EPS15: variants seen among roughly 807,000 people sequenced by gnomAD.
The protein encoded by EPS15 is epidermal growth factor receptor substrate 15.
In EPS15, 72 loss-of-function variants were observed where a neutral mutation model predicts 113.8. That is an observed-to-expected ratio of 0.63 (90% CI 0.52 to 0.77). The LOEUF (loss-of-function observed/expected upper bound fraction) is 0.77. Ranked by LOEUF, EPS15 falls within the 30% of genes least tolerant of loss-of-function variation. The pLI, the probability that EPS15 is intolerant of heterozygous loss-of-function variation, is 0.00. For synonymous variants in EPS15, 344 were observed against 363.4 expected (o/e 0.95, Z 0.61); for missense variants, 1,048 against 1,045.8 (o/e 1.00, Z -0.03).
chr1:51,448,445 C>T (rs1653252887), intron 8 of EPS15, among the ~76,000 whole-genome samples: 1 of 151,956 alleles, frequency 6.6e-6, no homozygotes, highest in Non-Finnish European at 1.5e-5. Context: ...GAAAGAAGTA[C>T]TCTCCCTAAT....
intron 20 of EPS15, among the ~76,000 whole-genome samples, chr1:51,396,760 A>G (rs893708914): frequency 3.3e-5 from 5 of 152,198 alleles, no homozygotes; most frequent in South Asian, 2.1e-4. Flanking sequence ...TGTCAGTTTG[A>G]TAATTGGGGA....
chr1:51,471,489 C>A (rs1407364614), intron 4 of EPS15, among the ~76,000 whole-genome samples: 11 of 152,114 alleles, frequency 7.2e-5, no homozygotes, highest in Admixed American at 7.2e-4. Flanking sequence ...TCCAGGAGAA[C>A]AATGTCACCA....
chr1:51,373,753 C>T (rs552038542), intron 21 of EPS15, among the ~76,000 whole-genome samples: 7 of 152,252 alleles, frequency 4.6e-5, no homozygotes, highest in East Asian at 1.9e-4. Context: ...GAGTTCGAGA[C>T]CAGCCTGGCC....
chr1:51,372,314 C>T, intron 21 of EPS15: 1 of 524,642 alleles, frequency 1.9e-6, no homozygotes, highest in South Asian at 1.4e-5. Flanking sequence ...CGGTGCTGCT[C>T]AGTGTGGTGG....
At chr1:51,420,102 T>C (rs955074048) in intron 13 of EPS15, among the ~76,000 whole-genome samples, 11 of 152,094 alleles carry the variant, frequency 7.2e-5, no homozygotes, top group South Asian at 2.1e-4. Context: ...TGTGGAAAAA[T>C]TGAACCATTT....
At chr1:51,498,756 G>A (rs1014243307) in intron 1 of EPS15, among the ~76,000 whole-genome samples, 9 of 152,004 alleles carry the variant, frequency 5.9e-5, no homozygotes, top group African/African-American at 1.7e-4. Flanking sequence ...CCAGTCACCT[G>A]GTAAATACAT....
rs186682475 is a variant in EPS15 at position 51,408,949 on chromosome 1, G to A, written c.1275+586C>T. ...CGAGTAGCTGGGACTACAGGCACCC[G>A]CCACCGCCCTGGCTAATTTTTTGTA... is the stretch of plus-strand genomic sequence containing the variant. On this transcript the variant is annotated intron_variant, in intron 14 of 24. Coordinates refer to ENST00000371733, the MANE Select transcript of EPS15 (RefSeq NM_001981.3). Among the ~76,000 whole-genome samples, 265 of 152,152 alleles carry A rather than the reference G, an allele frequency of 1.7e-3. 2 individuals carry two copies. Among genetic ancestry groups the A allele is most frequent in the African/African-American group, 6.1e-3 (253 of 41,518 alleles).
chr1:51,490,915 T>A (rs1644221212), intron 1 of EPS15, among the ~76,000 whole-genome samples: 1 of 152,216 alleles, frequency 6.6e-6, no homozygotes, highest in Admixed American at 6.5e-5. Flanking sequence ...CTGTTTTTGC[T>A]ATTGCTGTAG....
intron 8 of EPS15, among the ~76,000 whole-genome samples, chr1:51,455,579 CA>C (rs561856712): frequency 0.023 from 3,323 of 144,924 alleles, 32 homozygotes; most frequent in Middle Eastern, 0.035. Context: ...GACAGACTCT[CA>C]AAAAAAAAAG....
intron 23 of EPS15, among the ~76,000 whole-genome samples, chr1:51,362,638 T>G (rs1247322295): frequency 1.3e-5 from 2 of 152,188 alleles, no homozygotes; most frequent in African/African-American, 4.8e-5. Flanking sequence ...TTAACTCATT[T>G]ACCTGATTTT....
At chr1:51,451,526 GAAA>G (rs1163541309) in intron 8 of EPS15, among the ~76,000 whole-genome samples, 1 of 138,944 alleles carries the variant, frequency 7.2e-6, no homozygotes, top group East Asian at 2.0e-4. Flanking sequence ...AGAAAGAAAA[GAAA>G]AAAAAAGAAA....
At position 51,506,185 on chromosome 1, in the gene EPS15, C is replaced by A. The variant is rs12089422; in HGVS notation, c.33+13014G>T. On this transcript the variant is annotated intron_variant, in intron 1 of 24. Transcript: ENST00000371733. ...TACAGGCGTCAGCCACCGTGCCCAG[C>A]CAACAATGTTTAAATATTTTATACA... Among the ~76,000 whole-genome samples, 1,200 of 152,278 alleles carry A rather than the reference C, an allele frequency of 7.9e-3. 19 individuals are homozygous for A. Among genetic ancestry groups the A allele is most frequent in the African/African-American group, 0.028 (1,162 of 41,546 alleles).
chr1:51,508,306 G>T (rs866017224), intron 1 of EPS15, among the ~76,000 whole-genome samples: 2 of 132,890 alleles, frequency 1.5e-5, no homozygotes, highest in Admixed American at 7.6e-5. Context: ...GAGAGAGAAA[G>T]AGAGAAAGAG....
At chr1:51,387,140 C>G (rs1189695826) in intron 21 of EPS15, among the ~76,000 whole-genome samples, 5 of 152,124 alleles carry the variant, frequency 3.3e-5, no homozygotes, top group Admixed American at 3.3e-4. Flanking sequence ...ACTCCACAAG[C>G]CAGAAGAGAG....
At chr1:51,423,067 A>C (rs1372030144) in intron 12 of EPS15, 5 of 433,562 alleles carry the variant, frequency 1.2e-5, no homozygotes, top group Non-Finnish European at 1.8e-5. Context: ...TTGAGGTGAG[A>C]TTTTAAATGT....
At chr1:51,374,347 T>C (rs974429547) in intron 21 of EPS15, among the ~76,000 whole-genome samples, 9 of 152,198 alleles carry the variant, frequency 5.9e-5, no homozygotes, top group African/African-American at 1.7e-4. Flanking sequence ...CCGGGTACGG[T>C]TGCTCATGCC....
chr1:51,360,550 A>G (rs774107719), intron 24 of EPS15, among the ~76,000 whole-genome samples: 3 of 152,206 alleles, frequency 2.0e-5, no homozygotes, highest in Non-Finnish European at 2.9e-5. Flanking sequence ...CAGAGTAAAC[A>G]TGAGAAGTTA....
At chr1:51,483,578 T>C (rs111936289) in intron 1 of EPS15, among the ~76,000 whole-genome samples, 9,427 of 151,552 alleles carry the variant, frequency 0.062, 309 homozygotes, top group Non-Finnish European at 0.075. Flanking sequence ...GAGGCCAAGG[T>C]GGGCGGATCA....
Position 51,508,351 on chromosome 1 carries a change from A to AG in EPS15, c.33+10847dup, listed in dbSNP as rs1389471402. On this transcript the variant is annotated intron_variant, in intron 1 of 24. Transcript: ENST00000371733. ...GAAAGAGAAAGAGAGAAAGAAAGAAAGAAAGAAAGAAAGAAAGAAAGAAAG... is the reference window on the plus strand; with the variant it reads ...GAAAGAGAAAGAGAGAAAGAAAGAAAGGAAAGAAAGAAAGAAAGAAAGAAAG... Among the ~76,000 whole-genome samples, 854 of 143,712 alleles carry AG rather than the reference A, an allele frequency of 5.9e-3. 13 individuals carry two copies. The highest frequency in any genetic ancestry group is 0.021 in the African/African-American group (819 of 38,686). The allele number at this position is 143,712 out of a possible 152,430, so 94.3% of individuals were successfully genotyped here.
Sources: allele counts gnomAD v4.1 joint callset (sites outside exome capture counted in the v4.1 genomes callset), GRCh38; gene constraint gnomAD v4.1.1; transcripts MANE v1.5; gene names NCBI Gene and HGNC (gene_info 2026-07-23, HGNC 2026-07-21).